Variants in GALNT13 observed in about 807,000 individuals in gnomAD.
GALNT13 encodes the protein polypeptide N-acetylgalactosaminyltransferase 13, also known as UDP-GalNAc:polypeptide N-acetylgalactosaminyltransferase 13.
In GALNT13, 28 loss-of-function variants were observed where a neutral mutation model predicts 64.2. That is an observed-to-expected ratio of 0.44 (90% CI 0.32 to 0.60). The LOEUF is 0.60. Among genes scored for constraint, GALNT13 ranks in the 20% least tolerant of loss-of-function variants. The pLI is 0.05. For synonymous variants in GALNT13, 214 were observed against 224.6 expected (o/e 0.95, Z 0.42); for missense variants, 577 against 669.8 (o/e 0.86, Z 1.53).
intron 4 of GALNT13, among the ~76,000 whole-genome samples, chr2:154,203,690 A>C (rs1687291197): frequency 1.3e-5 from 2 of 152,118 alleles, no homozygotes; most frequent in Admixed American, 6.6e-5. Context: ...AAATTCCAGG[A>C]GTCTTTCTTG....
chr2:154,116,451 T>G (rs972849615), intron 3 of GALNT13, among the ~76,000 whole-genome samples: 2 of 152,176 alleles, frequency 1.3e-5, no homozygotes, highest in African/African-American at 4.8e-5. Flanking sequence ...CAGGGCAATC[T>G]AAGCAGATTT....
chr2:154,221,755 C>T (rs535920605), intron 4 of GALNT13, among the ~76,000 whole-genome samples: 130 of 152,174 alleles, frequency 8.5e-4, no homozygotes, highest in African/African-American at 3.1e-3. Context: ...TCTTTTAGAG[C>T]ACAGCAATTG....
chr2:153,181,037 T>TTTC, the GALNT13 span, among the ~76,000 whole-genome samples: 557 of 142,264 alleles, frequency 3.9e-3, 15 homozygotes, highest in African/African-American at 0.014. Context: ...TTTCTTTTTT[T>TTTC]TTTTTTTTTT....
At chr2:153,770,400 G>A in the GALNT13 span, among the ~76,000 whole-genome samples, 2 of 152,128 alleles carry the variant, frequency 1.3e-5, no homozygotes, top group African/African-American at 4.8e-5. Flanking sequence ...TCTAAATTCT[G>A]GTTGTAGTAG....
At chr2:153,458,999 C>T in the GALNT13 span, among the ~76,000 whole-genome samples, 948 of 152,182 alleles carry the variant, frequency 6.2e-3, 8 homozygotes, top group Non-Finnish European at 8.8e-3. Context: ...ACTTCCTCCA[C>T]TGTCTCCCTC....
the GALNT13 span, among the ~76,000 whole-genome samples, chr2:153,580,760 G>A: frequency 2.6e-5 from 4 of 152,182 alleles, no homozygotes; most frequent in African/African-American, 9.7e-5. Context: ...TATTGGCAGA[G>A]AAATTAGTCT....
chr2:153,254,564 G>T, the GALNT13 span, among the ~76,000 whole-genome samples: 1 of 151,930 alleles, frequency 6.6e-6, no homozygotes, highest in Non-Finnish European at 1.5e-5. Context: ...TGATGTTAGG[G>T]GGTCAATTTT....
chr2:153,407,630 G>A, the GALNT13 span, among the ~76,000 whole-genome samples: 1 of 152,112 alleles, frequency 6.6e-6, no homozygotes, highest in Non-Finnish European at 1.5e-5. Context: ...CTGCATCACT[G>A]CTTGATTAGA....
the GALNT13 span, among the ~76,000 whole-genome samples, chr2:153,705,753 C>A: frequency 4.6e-5 from 7 of 152,098 alleles, no homozygotes; most frequent in Non-Finnish European, 1.0e-4. Flanking sequence ...AGACAATCCA[C>A]AATGGAACAA....
chr2:153,638,832 C>G, the GALNT13 span, among the ~76,000 whole-genome samples: 1 of 151,880 alleles, frequency 6.6e-6, no homozygotes, highest in African/African-American at 2.4e-5. Flanking sequence ...TGAAGATACT[C>G]AAGAGATCCT....
intron 9 of GALNT13, among the ~76,000 whole-genome samples, chr2:154,334,811 G>A (rs1695352195): frequency 6.6e-6 from 1 of 152,090 alleles, no homozygotes; most frequent in South Asian, 2.1e-4. Context: ...CAGCCAGAGT[G>A]ATTCATTTTC....
intron 9 of GALNT13, among the ~76,000 whole-genome samples, chr2:154,303,133 G>A (rs537193219): frequency 6.6e-6 from 1 of 152,020 alleles, no homozygotes; most frequent in African/African-American, 2.4e-5. Context: ...ATTTAGGACA[G>A]GGACACACAC....
chr2:153,360,016 A>G, the GALNT13 span, among the ~76,000 whole-genome samples: 10 of 152,202 alleles, frequency 6.6e-5, no homozygotes, highest in Admixed American at 2.0e-4. Context: ...ATGATCAGCT[A>G]GAAGCAGCAG....
the GALNT13 span, among the ~76,000 whole-genome samples, chr2:153,456,893 A>G: frequency 6.6e-6 from 1 of 152,194 alleles, no homozygotes; most frequent in Non-Finnish European, 1.5e-5. Flanking sequence ...CAGGCGGATA[A>G]TATAAGTGAA....
the GALNT13 span, among the ~76,000 whole-genome samples, chr2:153,088,511 T>C: frequency 6.6e-6 from 1 of 152,164 alleles, no homozygotes; most frequent in Non-Finnish European, 1.5e-5. Context: ...CCATTGTTTC[T>C]TCTTTGACTT....
chr2:154,371,720 C>G (rs888496976), intron 9 of GALNT13, among the ~76,000 whole-genome samples: 3 of 150,294 alleles, frequency 2.0e-5, no homozygotes, highest in African/African-American at 7.3e-5. Flanking sequence ...CACCTATACT[C>G]TGATCCTGAG....
the GALNT13 span, among the ~76,000 whole-genome samples, chr2:153,228,109 G>A: frequency 6.6e-6 from 1 of 152,194 alleles, no homozygotes; most frequent in African/African-American, 2.4e-5. Context: ...AGTTGTAGAA[G>A]GGTGTAATGC....
At chr2:153,782,257 T>G in the GALNT13 span, among the ~76,000 whole-genome samples, 2 of 152,296 alleles carry the variant, frequency 1.3e-5, no homozygotes, top group Middle Eastern at 3.4e-3. Flanking sequence ...ATAGATCAAA[T>G]ATTTCAGAGA....
intron 3 of GALNT13, among the ~76,000 whole-genome samples, chr2:154,027,508 A>G (rs946013427): frequency 2.0e-5 from 3 of 152,182 alleles, no homozygotes; most frequent in African/African-American, 7.2e-5. Context: ...GATGAGTCAC[A>G]CTTCAGACAT....
Sources: allele counts gnomAD v4.1 joint callset (sites outside exome capture counted in the v4.1 genomes callset), GRCh38; gene constraint gnomAD v4.1.1; transcripts MANE v1.5; gene names NCBI Gene and HGNC (gene_info 2026-07-23, HGNC 2026-07-21).